ABCB5: variants seen among roughly 807,000 people sequenced by gnomAD.
The protein encoded by ABCB5 is ATP binding cassette subfamily B member 5, also known as ATP-binding cassette sub-family B member 5.
In ABCB5, 155 loss-of-function variants were observed where a neutral mutation model predicts 144.2. The observed-to-expected ratio is 1.08, with a 90% confidence interval of 0.94 to 1.23. ABCB5 has a LOEUF of 1.23. Ranked by LOEUF, ABCB5 falls within the 50% of genes most tolerant of loss-of-function variation. ABCB5 has a pLI of 0.00. For synonymous variants in ABCB5, 610 were observed against 528.6 expected, an observed-to-expected ratio of 1.15 and a Z score of -2.11; for missense variants, 1,830 against 1,520.8, an observed-to-expected ratio of 1.20 and a Z score of -3.38.
At chr7:20,636,834 ACAT>A (rs1199346851) in intron 5 of ABCB5, among the ~76,000 whole-genome samples, 23 of 151,440 alleles carry the variant, frequency 1.5e-4, no homozygotes, top group Non-Finnish European at 1.6e-4. Flanking sequence ...AATATTCAGT[ACAT>A]TATTATTAAT....
At chr7:20,737,252 C>T (rs2128053831) in intron 23 of ABCB5, among the ~76,000 whole-genome samples, 1 of 152,290 alleles carries the variant, frequency 6.6e-6, no homozygotes, top group East Asian at 1.9e-4. Flanking sequence ...GGGTCTTCAA[C>T]ATAACCCTCA....
At chr7:20,660,945 A>T (rs1784983795) in intron 14 of ABCB5, among the ~76,000 whole-genome samples, 2 of 152,192 alleles carry the variant, frequency 1.3e-5, no homozygotes, top group Admixed American at 6.5e-5. Context: ...GTATTAAAAA[A>T]TCAGGTCAGC....
At chr7:20,644,727 G>C (rs1186921454) in intron 7 of ABCB5, among the ~76,000 whole-genome samples, 1 of 152,188 alleles carries the variant, frequency 6.6e-6, no homozygotes, top group East Asian at 1.9e-4. Context: ...TGGAAATCCA[G>C]TTCCTAAAAT....
At chr7:20,621,987 T>C (rs1410193619) in intron 1 of ABCB5, among the ~76,000 whole-genome samples, 1 of 152,128 alleles carries the variant, frequency 6.6e-6, no homozygotes, top group Admixed American at 6.5e-5. Flanking sequence ...GTTTCCCAAG[T>C]GCAGTATGAC....
At position 20,755,872 on chromosome 7, in the gene ABCB5, T is replaced by C; in HGVS notation, c.*248T>C. On this transcript the variant is annotated 3_prime_UTR_variant, in exon 28 of 28. Coordinates refer to ENST00000404938, the MANE Select transcript of ABCB5 (RefSeq NM_001163941.2). The stretch of plus-strand genomic sequence containing the variant: ...CACTTTATAAAACTATTCTAGCACA[T>C]TTGCTTGTAAAGCAGTTTTCTACAA... 1 of 421,892 alleles carries C rather than the reference T, an allele frequency of 2.4e-6. No homozygotes were observed. Among genetic ancestry groups the C allele is most frequent in the Non-Finnish European group, 4.3e-6 (1 of 234,982 alleles). 26.1% of individuals were successfully genotyped at this position (421,892 alleles called of 1,614,324 possible).
intron 2 of ABCB5, 32 bp from the exon 3 acceptor site, chr7:20,626,525 T>A: frequency 6.3e-7 from 1 of 1,584,408 alleles, no homozygotes; most frequent in Non-Finnish European, 8.6e-7. Context: ...ATTCACATTG[T>A]AACTGCTGCA....
chr7:20,633,515 T>G (rs904367544), intron 5 of ABCB5, among the ~76,000 whole-genome samples: 1 of 152,168 alleles, frequency 6.6e-6, no homozygotes, highest in African/African-American at 2.4e-5. Context: ...TACATATTTA[T>G]GAGGTACCTA....
intron 5 of ABCB5, among the ~76,000 whole-genome samples, chr7:20,633,895 G>T (rs958907986): frequency 6.6e-6 from 1 of 151,970 alleles, no homozygotes; most frequent in Non-Finnish European, 1.5e-5. Flanking sequence ...AGATTTAGGG[G>T]GTACAAGGGC....
chr7:20,665,646 A>G (rs1177085498), intron 14 of ABCB5, among the ~76,000 whole-genome samples: 1 of 151,958 alleles, frequency 6.6e-6, no homozygotes, highest in Non-Finnish European at 1.5e-5. Context: ...GTGGACAAGC[A>G]GGTAGGGCCG....
At chr7:20,648,790 C>T (rs530137255) in intron 11 of ABCB5, among the ~76,000 whole-genome samples, 1 of 152,286 alleles carries the variant, frequency 6.6e-6, no homozygotes, top group South Asian at 2.1e-4. Flanking sequence ...GACCTACCTA[C>T]TCCTACTTCC....
chr7:20,632,682 T>C (rs1784062750), intron 5 of ABCB5, among the ~76,000 whole-genome samples: 1 of 152,018 alleles, frequency 6.6e-6, no homozygotes, highest in Non-Finnish European at 1.5e-5. Context: ...TATGCAGCCA[T>C]AAAAAATGAT....
chr7:20,738,980 T>TA lies in ABCB5; in HGVS notation c.2868-2dup. On this transcript the variant is annotated splice_region_variant and splice_polypyrimidine_tract_variant and intron_variant, in intron 23 of 27. Coordinates refer to ENST00000404938, the MANE Select transcript of ABCB5 (RefSeq NM_001163941.2). Reference sequence around the variant, plus strand: ...AAGATTCAAATGCTTTATCTTTTGATAGAGTTTTTACTGCAATTGCATATG... The same window carrying TA: ...AAGATTCAAATGCTTTATCTTTTGATAAGAGTTTTTACTGCAATTGCATATG... 1 of 1,587,338 alleles carries TA rather than the reference T, an allele frequency of 6.3e-7. No individual in the cohort carries two copies. The highest frequency in any genetic ancestry group is 8.6e-7 in the Non-Finnish European group (1 of 1,168,034).
In ABCB5 at chr7:20,704,075, C is replaced by CTTTTTTTTTTTTTTTTTTTTTTT. The variant is rs71020669; in HGVS notation, c.2338-633_2338-632insTTTTTTTTTTTTTTTTTTTTTTT. ...CTAAATTGTGTTGTTTATTGCCTTC[C>CTTTTTTTTTTTTTTTTTTTTTTT]TTTTTTTTTTTTTTTTGTGAGACAG... On this transcript the variant is annotated intron_variant, in intron 19 of 27. Coordinates refer to ENST00000404938, the MANE Select transcript of ABCB5 (RefSeq NM_001163941.2). Among the ~76,000 whole-genome samples, 55 of 80,760 alleles carry CTTTTTTTTTTTTTTTTTTTTTTT rather than the reference C, an allele frequency of 6.8e-4. 5 individuals carry two copies. The highest frequency in any genetic ancestry group is 1.0e-3 in the Admixed American group (5 of 5,010). The allele number at this position is 80,760 out of a possible 152,430, so 53.0% of individuals were successfully genotyped here.
intron 16 of ABCB5, among the ~76,000 whole-genome samples, chr7:20,687,830 A>T (rs1452957677): frequency 6.6e-6 from 1 of 152,212 alleles, no homozygotes; most frequent in Admixed American, 6.5e-5. Context: ...GGCTGCAGTG[A>T]GCTATGATCA....
intron 4 of ABCB5, among the ~76,000 whole-genome samples, chr7:20,630,626 G>A (rs1278943739): frequency 6.6e-6 from 1 of 152,098 alleles, no homozygotes; most frequent in African/African-American, 2.4e-5. Flanking sequence ...ATAATTTGTT[G>A]TTAAACAAAT....
At chr7:20,669,144 A>G (rs2128034840) in intron 14 of ABCB5, among the ~76,000 whole-genome samples, 1 of 148,728 alleles carries the variant, frequency 6.7e-6, no homozygotes, top group South Asian at 2.2e-4. Context: ...CCCATCCGGG[A>G]GGTGAGGGGC....
intron 7 of ABCB5, 46 bp downstream of exon 7, chr7:20,643,678 G>T: frequency 1.3e-6 from 2 of 1,593,482 alleles, no homozygotes; most frequent in South Asian, 1.1e-5. Context: ...CAGCAGTGTG[G>T]ACTAAATGAC....
chr7:20,755,468 A>G lies in ABCB5; in HGVS notation c.3618A>G (p.Thr1206=). The G allele has an allele frequency of 1.2e-6, 2 of 1,614,226 alleles. No homozygotes were observed. Among genetic ancestry groups the G allele is most frequent in the Non-Finnish European group, 1.7e-6 (2 of 1,180,040 alleles). ...HALDKARTGR[T]CLVVTHRLSA... ...TTGATAAAGCCAGGACGGGAAGGACATGCCTAGTGGTCACTCACAGGCTCT... is the reference window on the plus strand; with the variant it reads ...TTGATAAAGCCAGGACGGGAAGGACGTGCCTAGTGGTCACTCACAGGCTCT... Residue 1206 remains threonine, a synonymous_variant, in exon 28 of 28, where the codon ACA becomes ACG. Transcript: ENST00000404938.
chr7:20,639,090 C>T (rs6461510), intron 5 of ABCB5, among the ~76,000 whole-genome samples: 26,504 of 151,396 alleles, frequency 0.18, 3,301 homozygotes, highest in African/African-American at 0.35. Flanking sequence ...ATGACTTTAA[C>T]TTGCATTTCC....
Sources: allele counts gnomAD v4.1 joint callset (sites outside exome capture counted in the v4.1 genomes callset), GRCh38; gene constraint gnomAD v4.1.1; transcripts MANE v1.5; gene names NCBI Gene and HGNC (gene_info 2026-07-23, HGNC 2026-07-21).